Variants in ARHGEF10 observed in about 807,000 individuals in gnomAD.
The protein encoded by ARHGEF10 is Rho guanine nucleotide exchange factor (GEF) 10.
A neutral mutation model predicts 147.4 loss-of-function variants in ARHGEF10; 140 were observed. The ratio of observed to expected loss-of-function variants is 0.95; its 90% CI spans 0.83 to 1.09. The LOEUF is 1.09. Among genes scored for constraint, ARHGEF10 ranks in the 50% least tolerant of loss-of-function variants. The pLI, the probability that ARHGEF10 is intolerant of heterozygous loss-of-function variation, is 0.00. For missense variants in ARHGEF10, 2,222 were observed against 1,752.7 expected, an observed-to-expected ratio of 1.27 and a Z score of -4.78; for synonymous variants, 902 against 695.8, an observed-to-expected ratio of 1.30 and a Z score of -4.67.
intron 2 of ARHGEF10, among the ~76,000 whole-genome samples, chr8:1,855,629 A>G (rs914315437): frequency 6.6e-6 from 1 of 151,824 alleles, no homozygotes; most frequent in African/African-American, 2.4e-5. Flanking sequence ...GGCTCAAGCA[A>G]TTAGTCCTCC....
chr8:1,930,013 G>C (rs1338954125), intron 25 of ARHGEF10, among the ~76,000 whole-genome samples: 2 of 152,286 alleles, frequency 1.3e-5, no homozygotes, highest in Non-Finnish European at 2.9e-5. Flanking sequence ...CGCGTTGGTG[G>C]CAGCTGTGCT....
intron 11 of ARHGEF10, among the ~76,000 whole-genome samples, chr8:1,891,221 A>G (rs1318258655): frequency 1.3e-5 from 2 of 152,092 alleles, no homozygotes; most frequent in Admixed American, 1.3e-4. Flanking sequence ...AGCTTTCTTT[A>G]TTGTAGTCAT....
At chr8:1,830,078 C>G (rs569866568) in intron 1 of ARHGEF10, among the ~76,000 whole-genome samples, 1 of 152,330 alleles carries the variant, frequency 6.6e-6, no homozygotes, top group South Asian at 2.1e-4. Context: ...CCCGCTTGCT[C>G]TAAAGAGCCA....
intron 4 of ARHGEF10, among the ~76,000 whole-genome samples, chr8:1,861,642 A>G (rs902173869): frequency 1.2e-4 from 19 of 152,168 alleles, no homozygotes; most frequent in African/African-American, 4.1e-4. Context: ...AGAAAAAAAA[A>G]TCCTTAAAGA....
chr8:1,833,095 C>CAG (rs150664566), intron 1 of ARHGEF10, among the ~76,000 whole-genome samples: 14 of 680 alleles, frequency 0.021, 3 homozygotes, highest in African/African-American at 0.036. Context: ...GAGACAGAGG[C>CAG]AGAGAGACAG....
At chr8:1,949,093 C>T (rs888125747) in intron 27 of ARHGEF10, among the ~76,000 whole-genome samples, 1 of 152,072 alleles carries the variant, frequency 6.6e-6, no homozygotes, top group African/African-American at 2.4e-5. Flanking sequence ...ATATAAAAGT[C>T]AGGTAGCTTC....
chr8:1,904,920 G>A (rs920023745), intron 16 of ARHGEF10, among the ~76,000 whole-genome samples: 20 of 152,122 alleles, frequency 1.3e-4, no homozygotes, highest in Non-Finnish European at 2.2e-4. Flanking sequence ...CAGGAGTTCC[G>A]GACCAGCCTA....
At chr8:1,925,537 T>G in intron 22 of ARHGEF10, 133 bp downstream of exon 22, 2 of 1,231,436 alleles carry the variant, frequency 1.6e-6, no homozygotes, top group African/African-American at 1.5e-5. Context: ...ACCGCTTCTC[T>G]AGAGGTCATT....
chr8:1,896,157 C>G (rs1242044276), intron 13 of ARHGEF10, among the ~76,000 whole-genome samples, 176 bp from the exon 14 acceptor site: 11 of 152,152 alleles, frequency 7.2e-5, no homozygotes, highest in Admixed American at 1.3e-4. Flanking sequence ...CAACTTAACT[C>G]CTAACACGCT....
intron 1 of ARHGEF10, among the ~76,000 whole-genome samples, chr8:1,838,445 C>T (rs1426848781): frequency 6.6e-6 from 1 of 152,282 alleles, no homozygotes; most frequent in African/African-American, 2.4e-5. Context: ...CGGCACCCGC[C>T]CAGCCTGGGG....
At chr8:1,898,615 G>T in intron 15 of ARHGEF10, 90 bp downstream of exon 15, 1 of 1,333,710 alleles carries the variant, frequency 7.5e-7, no homozygotes, top group South Asian at 1.2e-5. Flanking sequence ...ACTTTGGAAT[G>T]GCTGCCCCTC....
chr8:1,942,601 G>A lies in ARHGEF10; in HGVS notation c.3223-2880G>A, dbSNP rs138602738. On this transcript the variant is annotated intron_variant, in intron 26 of 28. Coordinates refer to ENST00000349830, the MANE Select transcript of ARHGEF10 (RefSeq NM_014629.4). ...GGTGACCCAGCATTTCCAGTCGTAG[G>A]TGTAGATTCAGAAGAACCTGATACT... Among the ~76,000 whole-genome samples the A allele has an allele frequency of 4.4e-3, 664 of 152,256 alleles. 4 individuals carry two copies. Among genetic ancestry groups the A allele is most frequent in the Non-Finnish European group, 6.5e-3 (443 of 68,014 alleles).
At chr8:1,952,354 C>G (rs1815125051) in intron 27 of ARHGEF10, among the ~76,000 whole-genome samples, 1 of 152,228 alleles carries the variant, frequency 6.6e-6, no homozygotes, top group Non-Finnish European at 1.5e-5. Flanking sequence ...GGCTCACGAG[C>G]TCACGTGCTA....
intron 26 of ARHGEF10, among the ~76,000 whole-genome samples, chr8:1,938,797 C>A (rs553261207): frequency 6.6e-6 from 1 of 152,206 alleles, no homozygotes; most frequent in South Asian, 2.1e-4. Context: ...ACAACAGGCC[C>A]AGGTCAGCAG....
At position 1,903,322 on chromosome 8, in the gene ARHGEF10, G is replaced by C; in HGVS notation, c.1692G>C (p.Leu564=). 1 of 1,614,156 alleles carries C rather than the reference G, an allele frequency of 6.2e-7. No individual in the cohort carries two copies. The highest frequency in any genetic ancestry group is 8.5e-7 in the Non-Finnish European group (1 of 1,180,038). ...KNTSKGHPDR[L]PLQMALTELE... Reference sequence around the variant, plus strand: ...CCTCCAAAGGCCACCCCGACAGGCTGCCTCTTCAGATGGCCCTGACAGAGC... The same window carrying C: ...CCTCCAAAGGCCACCCCGACAGGCTCCCTCTTCAGATGGCCCTGACAGAGC... The change falls in exon 16 of 29, where the codon CTG becomes CTC. Residue 564 remains leucine (L), a synonymous_variant. Coordinates refer to ENST00000349830, the MANE Select transcript of ARHGEF10 (RefSeq NM_014629.4).
rs2272609 is a variant in ARHGEF10, at chr8:1,952,721, G to C, written c.3414G>C (p.Ser1138=). The change falls in exon 28 of 29, where the codon TCG becomes TCC. Residue 1138 remains serine, a synonymous_variant. Coordinates refer to ENST00000349830, the MANE Select transcript of ARHGEF10 (RefSeq NM_014629.4). ...TCCGCCCAGGGCACCAGCGGCTGTC[G>C]GTGACGAGCCTGCTCGTCTGCCACG... ...HNMLPGHQRL[S]VTSLLVCHGL... The C allele has an allele frequency of 2.5e-6, 4 of 1,612,922 alleles. No homozygotes were observed. The African/African-American group carries it at 5.3e-5, about 22-fold the overall frequency.
rs1563233846 is a variant in ARHGEF10, at chr8:1,888,189, T to TTGCGAGGAGACACTTAGTGGGGCGAGGG, written c.1182+2483_1182+2484insGCGAGGAGACACTTAGTGGGGCGAGGGT. ...GAGGAGACAGTGAGTGGGGTGAGGG[T>TTGCGAGGAGACACTTAGTGGGGCGAGGG]TTGCGAGGAGACACTTAGTGGGGCG... On this transcript the variant is annotated intron_variant, in intron 11 of 28. Transcript: ENST00000349830. Among the ~76,000 whole-genome samples the TTGCGAGGAGACACTTAGTGGGGCGAGGG allele has an allele frequency of 5.9e-4, 19 of 32,050 alleles. 1 individual carries two copies. In the African/African-American group the frequency reaches 8.3e-3, roughly 14 times the overall value. The allele number at this position is 32,050 out of a possible 152,430, so 21.0% of individuals were successfully genotyped here.
At chr8:1,850,431 C>T (rs993991662) in intron 2 of ARHGEF10, among the ~76,000 whole-genome samples, 33 of 127,732 alleles carry the variant, frequency 2.6e-4, no homozygotes, top group African/African-American at 8.8e-4. Context: ...TGGACACAGA[C>T]GGCAAATGCT....
intron 16 of ARHGEF10, chr8:1,903,704 A>T (rs1810665703): frequency 3.5e-6 from 2 of 565,000 alleles, no homozygotes; most frequent in South Asian, 4.1e-5. Flanking sequence ...CCTCAAATGG[A>T]TCCAGGACCT....
Sources: gnomAD v4.1 joint callset for allele counts (sites outside exome capture counted in the v4.1 genomes callset) on GRCh38, gnomAD v4.1.1 for gene constraint, MANE v1.5 for transcripts, NCBI Gene and HGNC (gene_info 2026-07-23, HGNC 2026-07-21) for gene names.